The following KRT16 variants were observed in gnomAD, a reference collection of about 807,000 sequenced individuals.
KRT16 encodes keratin 16.
A neutral mutation model predicts 44.8 loss-of-function variants in KRT16; 42 were observed. The observed-to-expected ratio is 0.94, with a 90% CI of 0.73 to 1.21. The LOEUF is 1.21. KRT16 is among the 50% of genes most tolerant of loss of function. The pLI, the probability that KRT16 is intolerant of heterozygous loss-of-function variation, is 0.00. For synonymous variants in KRT16, 226 were observed against 260.4 expected (o/e 0.87, Z 1.27); for missense variants, 561 against 626.9 (o/e 0.89, Z 1.12).
Position 41,611,089 on chromosome 17 carries a change from C to A in KRT16, c.913G>T (p.Glu305Ter), listed in dbSNP as rs200442443. 1 of 1,614,038 alleles carries A rather than the reference C, an allele frequency of 6.2e-7. No homozygotes were observed. Among genetic ancestry groups the A allele is most frequent in the Non-Finnish European group, 8.5e-7 (1 of 1,179,872 alleles). ...CCCACCTTGCTCAGGAACCAGGTCT[C>A]AGCGTCTCTGCGGTTTTTCTCTGCC... is the stretch of plus-strand genomic sequence containing the variant. ...QMAEKNRRDA[E>*]TWFLSKTEEL... Residue 305 changes from glutamate (E) to a stop codon, truncating the protein, a stop_gained, in exon 4 of 8, where the codon GAG (glutamate) becomes TAG (stop). Coordinates refer to ENST00000301653, the MANE Select transcript of KRT16 (RefSeq NM_005557.4). LOFTEE classifies it high-confidence loss of function.
intron 7 of KRT16, 60 bp downstream of exon 7, chr17:41,610,130 C>A (rs574276845): frequency 1.9e-6 from 3 of 1,603,030 alleles, no homozygotes; most frequent in African/African-American, 1.3e-5. Flanking sequence ...AAGGGCCCAG[C>A]CCCCACTCCA....
At chr17:41,611,832 C>T in intron 1 of KRT16, 111 bp from the exon 2 acceptor site, 1 of 1,020,860 alleles carries the variant, frequency 9.8e-7, no homozygotes, top group South Asian at 1.4e-5. Flanking sequence ...AGTCTTCTGG[C>T]TGGCAGGGCT....
chr17:41,610,121 A>G, intron 7 of KRT16, 69 bp downstream of exon 7: 1 of 1,599,806 alleles, frequency 6.3e-7, no homozygotes, highest in Non-Finnish European at 8.6e-7. Context: ...TCTGAGGAGA[A>G]GGGCCCAGCC....
Position 41,612,609 on chromosome 17 carries a change from C to A in KRT16, c.80G>T (p.Gly27Val). ...CAGGACGGAGGAGATGCGGCTGGAGCCGCCCCCGATGCCGCCTCCGATGCC... is the reference window on the plus strand; with the variant it reads ...CAGGACGGAGGAGATGCGGCTGGAGACGCCCCCGATGCCGCCTCCGATGCC... ...SCGIGGGIGG[G>V]SSRISSVLAG... The change falls in exon 1 of 8, where the codon GGC becomes GTC. Residue 27 changes from glycine to valine, a missense_variant. Coordinates refer to ENST00000301653, the MANE Select transcript of KRT16 (RefSeq NM_005557.4). The A allele has an allele frequency of 6.3e-7, 1 of 1,594,174 alleles. No homozygotes were observed. Among genetic ancestry groups the A allele is most frequent in the Non-Finnish European group, 8.5e-7 (1 of 1,171,490 alleles).
At position 41,611,100 on chromosome 17, in the gene KRT16, C is replaced by T. The variant is rs745882373; in HGVS notation, c.902G>A (p.Arg301His). Reference protein sequence around the residue: ...DQYEQMAEKNRRDAETWFLSK... With the variant: ...DQYEQMAEKNHRDAETWFLSK... ...CAGGAACCAGGTCTCAGCGTCTCTGCGGTTTTTCTCTGCCATCTGCTCGTA... is the reference window on the plus strand; with the variant it reads ...CAGGAACCAGGTCTCAGCGTCTCTGTGGTTTTTCTCTGCCATCTGCTCGTA... The change falls in exon 4 of 8, where the codon CGC becomes CAC. Residue 301 changes from arginine (R) to histidine (H), a missense_variant. By Grantham distance (29) the Arg-to-His change is conservative. Transcript: ENST00000301653. 16 of 1,614,020 alleles carry T rather than the reference C, an allele frequency of 9.9e-6. No homozygotes were observed. The South Asian group carries it at 1.3e-4, about 13-fold the overall frequency.
In KRT16 at chr17:41,611,690, G is replaced by A. The variant is rs1169461219; in HGVS notation, c.563C>T (p.Pro188Leu). The A allele has an allele frequency of 2.5e-6, 4 of 1,611,252 alleles. No individual in the cohort carries two copies. The East Asian group carries it at 8.9e-5, about 36-fold the overall frequency. The stretch of plus-strand genomic sequence containing the variant: ...CCTGGCATTGTCAATCTGCAAAATG[G>A]GCTGCGCATTCTCAATGGTGGCCGC... The part of the protein sequence containing the change: ...IIAATIENAQ[P>L]ILQIDNARLA... The change falls in exon 2 of 8, where the codon CCC becomes CTC. Residue 188 changes from proline to leucine, a missense_variant. Transcript: ENST00000301653.
In KRT16 at chr17:41,610,847, T is replaced by C. The variant is rs1567744658; in HGVS notation, c.1059+7A>G. 6.2e-7 allele frequency: 1 copy of C among 1,613,768 alleles called. No homozygotes were observed. The highest frequency in any genetic ancestry group is 8.5e-7 in the Non-Finnish European group (1 of 1,180,026). On this transcript the variant is annotated splice_region_variant and intron_variant, in intron 5 of 7. Transcript: ENST00000301653. ...TGGGGGCTGCTGCTGTGCTGGGTCC[T>C]TCATACCATGCTGAGCTGGGACTGC...
In KRT16 at chr17:41,612,690, G is replaced by A. The variant is rs1420345355; in HGVS notation, c.-2C>T. ...GAACTGGCGGCTGCAGGTGGTCATGGTGCCAAGGAGGGAGGTGAGCGAGTG... is the reference window on the plus strand; with the variant it reads ...GAACTGGCGGCTGCAGGTGGTCATGATGCCAAGGAGGGAGGTGAGCGAGTG... On this transcript the variant is annotated 5_prime_UTR_variant, in exon 1 of 8. Coordinates refer to ENST00000301653, the MANE Select transcript of KRT16 (RefSeq NM_005557.4). 1.9e-6 allele frequency: 3 copies of A among 1,591,546 alleles called. No individual in the cohort carries two copies. The highest frequency in any genetic ancestry group is 2.6e-6 in the Non-Finnish European group (3 of 1,170,712).
rs776202401 is a variant in KRT16 at position 41,610,223 on chromosome 17, G to A, written c.1294C>T (p.Gln432Ter). 9 of 1,614,016 alleles carry A rather than the reference G, an allele frequency of 5.6e-6. No individual in the cohort carries two copies. The South Asian group carries it at 9.9e-5, about 18-fold the overall frequency. The change falls in exon 7 of 8, where the codon CAA (glutamine) becomes TAA (stop). Residue 432 changes from glutamine (Q) to a stop codon, truncating the protein, a stop_gained. Coordinates refer to ENST00000301653, the MANE Select transcript of KRT16 (RefSeq NM_005557.4). LOFTEE classifies it high-confidence loss of function. ...EGEDAHLSSQ[Q>*]ASGQSYSSRE... The stretch of plus-strand genomic sequence containing the variant: ...GAAGAATAGGATTGGCCAGATGCTT[G>A]CTGGGAGGAAAGGCTGTGGGAGAGA...
At position 41,612,400 on chromosome 17, in the gene KRT16, C is replaced by T. The variant is rs1295347923; in HGVS notation, c.289G>A (p.Gly97Ser). ...GGGLGAGFGG[G>S]LGAGFGGGFA... ...CCACCACCAAAGCCAGCACCCAAGC[C>T]ACCACCGAAGCCAGCACCAAGGCCA... Residue 97 changes from glycine (G) to serine (S), a missense_variant, in exon 1 of 8, where the codon GGC becomes AGC. Coordinates refer to ENST00000301653, the MANE Select transcript of KRT16 (RefSeq NM_005557.4). 2 of 1,614,140 alleles carry T rather than the reference C, an allele frequency of 1.2e-6. No individual in the cohort carries two copies. Among genetic ancestry groups the T allele is most frequent in the Admixed American group, 1.7e-5 (1 of 60,014 alleles).
rs770125361 is a variant in KRT16 at position 41,609,991 on chromosome 17, G to T, written c.1366C>A (p.Arg456=). Residue 456 remains arginine, a synonymous_variant, in exon 8 of 8, where the codon CGG becomes AGG. Transcript: ENST00000301653. ...GAGCTCTGCTCCTTGAGGATGGGCC[G>T]GGTCTGACGGCTCGAAGAGGACGAG... ...SSSSSSSRQT[R]PILKEQSSSS... 40 of 1,611,774 alleles carry T rather than the reference G, an allele frequency of 2.5e-5. No individual in the cohort carries two copies. The East Asian group carries it at 8.5e-4, about 34-fold the overall frequency.
In KRT16 at chr17:41,612,674, G is replaced by A. The variant is rs1225711490; in HGVS notation, c.15C>T (p.Ser5=). The A allele has an allele frequency of 1.3e-5, 21 of 1,597,696 alleles. No individual in the cohort carries two copies. Among genetic ancestry groups the A allele is most frequent in the Non-Finnish European group, 1.7e-5 (20 of 1,173,594 alleles). The change falls in exon 1 of 8, where the codon AGC becomes AGT. Residue 5 remains serine, a synonymous_variant. Transcript: ENST00000301653. The stretch of plus-strand genomic sequence containing the variant: ...TGGAGCTGGAGGAGGTGAACTGGCG[G>A]CTGCAGGTGGTCATGGTGCCAAGGA... MTTC[S]RQFTSSSSMK... is the part of the protein sequence containing the mutation.
chr17:41,609,838 A>T lies in KRT16; in HGVS notation c.*97T>A. ...CCACCAGCAGAGGAGCAGGGGAGAT[A>T]GCTGGGAACTGCGCCAGGAGAGCAG... On this transcript the variant is annotated 3_prime_UTR_variant, in exon 8 of 8. Transcript: ENST00000301653. The T allele has an allele frequency of 1.0e-6, 1 of 955,468 alleles. No individual in the cohort carries two copies. The highest frequency in any genetic ancestry group is 1.7e-6 in the Non-Finnish European group (1 of 599,680). The allele number at this position is 955,468 out of a possible 1,614,324, so 59.2% of individuals were successfully genotyped here.
Position 41,612,175 on chromosome 17 carries a change from C to T in KRT16, c.514G>A (p.Glu172Lys), listed in dbSNP as rs1366654796. ...KDYSPYFKTI[E>K]DLRNKIIAAT... ...TCACCCACCTTGTTCCTCAGGTCCT[C>T]GATGGTCTTGAAGTAGGGACTGTAG... Residue 172 changes from glutamate (E) to lysine (K), a missense_variant, in exon 1 of 8, where the codon GAG (glutamate) becomes AAG (lysine). By Grantham distance (56) the Glu-to-Lys change is moderately conservative (BLOSUM62 1). Transcript: ENST00000301653. The T allele has an allele frequency of 1.9e-6, 3 of 1,612,304 alleles. No homozygotes were observed. Among genetic ancestry groups the T allele is most frequent in the South Asian group, 1.1e-5 (1 of 91,000 alleles).
At position 41,610,867 on chromosome 17, in the gene KRT16, G is replaced by A. The variant is rs267604877; in HGVS notation, c.1046C>T (p.Ser349Phe). Residue 349 changes from serine (S) to phenylalanine (F), a missense_variant, in exon 5 of 8, where the codon TCC (serine) becomes TTC (phenylalanine). Transcript: ENST00000301653. ...VLQGLEIELQ[S>F]QLSMKASLEN... ...GGTCCTTCATACCATGCTGAGCTGG[G>A]ACTGCAGCTCAATCTCCAGGCCCTG... The A allele has an allele frequency of 6.2e-6, 10 of 1,613,886 alleles. No homozygotes were observed. Among genetic ancestry groups the A allele is most frequent in the South Asian group, 1.1e-5 (1 of 91,058 alleles).
At chr17:41,610,262 T>A (rs1296241371) in intron 6 of KRT16, 26 bp from the exon 7 acceptor site, 4 of 1,613,594 alleles carry the variant, frequency 2.5e-6, no homozygotes, top group Non-Finnish European at 3.4e-6. Flanking sequence ...AGCAGGGCAG[T>A]CAGTTGTGCT....
chr17:41,612,144 C>T lies in KRT16; in HGVS notation c.531+14G>A. The T allele has an allele frequency of 6.2e-7, 1 of 1,612,064 alleles. No individual in the cohort carries two copies. The highest frequency in any genetic ancestry group is 1.1e-5 in the South Asian group (1 of 90,976). On this transcript the variant is annotated intron_variant, in intron 1 of 7. Transcript: ENST00000301653. Reference sequence around the variant, plus strand: ...CCAGCCTCTCTCAGTGCTCCATACACCAAAGTCACCCACCTTGTTCCTCAG... The same window carrying T: ...CCAGCCTCTCTCAGTGCTCCATACATCAAAGTCACCCACCTTGTTCCTCAG...
In KRT16 at chr17:41,609,999, C is replaced by T. The variant is rs764661195; in HGVS notation, c.1358G>A (p.Arg453His). The T allele has an allele frequency of 1.6e-5, 26 of 1,611,656 alleles. No homozygotes were observed. Among genetic ancestry groups the T allele is most frequent in the East Asian group, 1.1e-4 (5 of 44,880 alleles). Reference sequence around the variant, plus strand: ...CTCCTTGAGGATGGGCCGGGTCTGACGGCTCGAAGAGGACGAGGAGGAGGT... The same window carrying T: ...CTCCTTGAGGATGGGCCGGGTCTGATGGCTCGAAGAGGACGAGGAGGAGGT... The part of the protein sequence containing the change: ...VFTSSSSSSS[R>H]QTRPILKEQS... Residue 453 changes from arginine (R) to histidine (H), a missense_variant, in exon 8 of 8, where the codon CGT (arginine) becomes CAT (histidine). Transcript: ENST00000301653.
At position 41,610,886 on chromosome 17, in the gene KRT16, G is replaced by A. The variant is rs189042832; in HGVS notation, c.1027C>T (p.Leu343=). 4.3e-6 allele frequency: 7 copies of A among 1,614,078 alleles called. No individual in the cohort carries two copies. The highest frequency in any genetic ancestry group is 5.9e-6 in the Non-Finnish European group (7 of 1,180,034). ...VTELRRVLQG[L]EIELQSQLSM... is the part of the protein sequence containing the mutation. Reference sequence around the variant, plus strand: ...AGCTGGGACTGCAGCTCAATCTCCAGGCCCTGGAGCACCCTCCGGAGCTCC... The same window carrying A: ...AGCTGGGACTGCAGCTCAATCTCCAAGCCCTGGAGCACCCTCCGGAGCTCC... Residue 343 remains leucine (L), a synonymous_variant, in exon 5 of 8, where the codon CTG becomes TTG. Coordinates refer to ENST00000301653, the MANE Select transcript of KRT16 (RefSeq NM_005557.4).
Sources: allele counts gnomAD v4.1 joint callset, GRCh38; gene constraint gnomAD v4.1.1; transcripts MANE v1.5; gene names NCBI Gene and HGNC (gene_info 2026-07-23, HGNC 2026-07-21).